Variants in HTR2B observed in about 807,000 individuals in gnomAD.
HTR2B encodes 5-hydroxytryptamine receptor 2B.
A neutral mutation model predicts 39.8 loss-of-function variants in HTR2B; 31 were observed. The observed-to-expected ratio is 0.78, with a 90% CI of 0.58 to 1.05. The LOEUF (loss-of-function observed/expected upper bound fraction) is 1.05. Among genes scored for constraint, HTR2B ranks in the 50% least tolerant of loss-of-function variants. The pLI, the probability that HTR2B is intolerant of heterozygous loss-of-function variation, is 0.00. For synonymous variants in HTR2B, 210 were observed against 207.1 expected (o/e 1.01, Z -0.12); for missense variants, 562 against 578.0 (o/e 0.97, Z 0.28).
chr2:231,115,838 T>C (rs1695313593), intron 2 of HTR2B, among the ~76,000 whole-genome samples: 2 of 152,170 alleles, frequency 1.3e-5, no homozygotes, highest in African/African-American at 4.8e-5. Flanking sequence ...TACTTAGATA[T>C]GCAGGCTCTT....
In HTR2B at chr2:231,108,407, A is replaced by G. The variant is rs1242027373; in HGVS notation, c.*110T>C. 1 of 774,130 alleles carries G rather than the reference A, an allele frequency of 1.3e-6. No homozygotes were observed. The highest frequency in any genetic ancestry group is 1.7e-5 in the African/African-American group (1 of 57,336). 48.0% of individuals were successfully genotyped at this position (774,130 alleles called of 1,614,324 possible). On this transcript the variant is annotated 3_prime_UTR_variant, in exon 4 of 4. Coordinates refer to ENST00000258400, the MANE Select transcript of HTR2B (RefSeq NM_000867.5). ...TTAATACTTACATCTTAGGTTAAAG[A>G]GATGATTTGATATATGACATAAAAT...
chr2:231,114,848 T>C (rs1045343818), intron 2 of HTR2B, among the ~76,000 whole-genome samples: 1 of 152,200 alleles, frequency 6.6e-6, no homozygotes, highest in African/African-American at 2.4e-5. Context: ...CACCCACCAC[T>C]TAACATGTTT....
chr2:231,116,096 A>G (rs145228651), intron 2 of HTR2B, among the ~76,000 whole-genome samples: 2 of 152,280 alleles, frequency 1.3e-5, no homozygotes, highest in African/African-American at 4.8e-5. Flanking sequence ...TGGTGTTTGG[A>G]GAAAATCTAA....
Position 231,123,582 on chromosome 2 carries a change from T to C in HTR2B, c.183A>G (p.Ile61Met). 1 of 1,613,960 alleles carries C rather than the reference T, an allele frequency of 6.2e-7. No individual in the cohort carries two copies. The highest frequency in any genetic ancestry group is 8.5e-7 in the Non-Finnish European group (1 of 1,179,962). ...CAATTGTGGGTATTATCACCATGAG[T>C]ATCAGAAGAGCTGCCCAGTGCAGTT... The part of the protein sequence containing the change: ...GNKLHWAALL[I>M]LMVIIPTIGG... The change falls in exon 2 of 4, where the codon ATA (isoleucine) becomes ATG (methionine). Residue 61 changes from isoleucine to methionine, a missense_variant. By Grantham distance (10) the Ile-to-Met change is conservative. Transcript: ENST00000258400.
chr2:231,117,119 A>C (rs1048934446), intron 2 of HTR2B, among the ~76,000 whole-genome samples: 2 of 152,182 alleles, frequency 1.3e-5, no homozygotes, highest in Admixed American at 1.3e-4. Context: ...AGTTAGTATT[A>C]ATTTAGCTCA....
chr2:231,109,080 T>TG lies in HTR2B; in HGVS notation c.882dup (p.Asn295GlnfsTer4). The TG allele has an allele frequency of 6.2e-7, 1 of 1,614,256 alleles. No individual in the cohort carries two copies. ...CGCATAAGTGTTTCATCACCTGAGTTGGGCAGAGCCTTGTCCTTTCGAGAA... is the reference window on the plus strand; with the variant it reads ...CGCATAAGTGTTTCATCACCTGAGTTGGGGCAGAGCCTTGTCCTTTCGAGAA... On this transcript the variant is annotated frameshift_variant, in exon 4 of 4. Coordinates refer to ENST00000258400, the MANE Select transcript of HTR2B (RefSeq NM_000867.5). LOFTEE classifies it high-confidence loss of function.
At chr2:231,118,968 T>A (rs570267274) in intron 2 of HTR2B, among the ~76,000 whole-genome samples, 1 of 150,956 alleles carries the variant, frequency 6.6e-6, no homozygotes, top group South Asian at 2.2e-4. Context: ...CTTCTGTCTT[T>A]ATCTTCCAGA....
chr2:231,110,991 C>A (rs1387874247), intron 3 of HTR2B, among the ~76,000 whole-genome samples: 1 of 152,164 alleles, frequency 6.6e-6, no homozygotes, highest in Non-Finnish European at 1.5e-5. Context: ...AAAACACTTG[C>A]CTTTTGAAGT....
intron 2 of HTR2B, among the ~76,000 whole-genome samples, chr2:231,121,719 G>A (rs1695549092): frequency 6.6e-6 from 1 of 152,084 alleles, no homozygotes; most frequent in Non-Finnish European, 1.5e-5. Context: ...GATAATTTAA[G>A]TATCTACCAT....
At chr2:231,118,132 C>A (rs544549630) in intron 2 of HTR2B, among the ~76,000 whole-genome samples, 1 of 152,034 alleles carries the variant, frequency 6.6e-6, no homozygotes, top group Non-Finnish European at 1.5e-5. Context: ...GATAATAGTA[C>A]CTGTTTTATA....
In HTR2B at chr2:231,123,941, C is replaced by CT; in HGVS notation, c.-178dup. The stretch of plus-strand genomic sequence containing the variant: ...CTCTAAAATGAGCGCATACACACAT[C>CT]TGTCCATGTTTGTAGGTAAGATATC... On this transcript the variant is annotated 5_prime_UTR_variant, in exon 2 of 4. The change abolishes the stop of an existing upstream ORF in the 5' untranslated region. Coordinates refer to ENST00000258400, the MANE Select transcript of HTR2B (RefSeq NM_000867.5). The CT allele has an allele frequency of 1.6e-6, 1 of 641,456 alleles. No homozygotes were observed. The highest frequency in any genetic ancestry group is 2.8e-6 in the Non-Finnish European group (1 of 355,994). 39.7% of individuals were successfully genotyped at this position (641,456 alleles called of 1,614,324 possible).
In HTR2B at chr2:231,109,183, T is replaced by C. The variant is rs572292403; in HGVS notation, c.780A>G (p.Thr260=). Residue 260 remains threonine (T), a synonymous_variant, in exon 4 of 4, where the codon ACA becomes ACG. Transcript: ENST00000258400. ...LVKNKPPQRL[T]WLTVSTVFQR... ...GGAAAACTGTAGACACAGTCAACCA[T>C]GTTAGGCGTTGAGGTGGCTTGTTTT... 4 of 1,614,220 alleles carry C rather than the reference T, an allele frequency of 2.5e-6. No individual in the cohort carries two copies. In the South Asian group the frequency reaches 3.3e-5, roughly 13 times the overall value.
At chr2:231,111,144 A>C (rs1335348408) in intron 3 of HTR2B, among the ~76,000 whole-genome samples, 3 of 152,086 alleles carry the variant, frequency 2.0e-5, no homozygotes, top group Non-Finnish European at 4.4e-5. Flanking sequence ...ACTTCATCCC[A>C]TTCGTGACCC....
chr2:231,123,525 T>C lies in HTR2B; in HGVS notation c.240A>G (p.Ser80=), dbSNP rs775648508. 159 of 1,614,058 alleles carry C rather than the reference T, an allele frequency of 9.9e-5. 3 individuals are homozygous for C. The South Asian group carries it at 1.5e-3, about 16-fold the overall frequency. ...GGNTLVILAV[S]LEKKLQYATN... is the part of the protein sequence containing the mutation. ...TAGCATACTGCAGCTTCTTCTCCAG[T>C]GAAACAGCCAGAATAACAAGGGTAT... The change falls in exon 2 of 4, where the codon TCA becomes TCG. Residue 80 remains serine (S), a synonymous_variant. Transcript: ENST00000258400.
rs187504334 is a variant in HTR2B at position 231,117,276 on chromosome 2, A to G, written c.353-3347T>C. The stretch of plus-strand genomic sequence containing the variant: ...TATTTGTTATAATGTATTCTGTCCA[A>G]TATACTTCCACAAAGACTTAAGACA... On this transcript the variant is annotated intron_variant, in intron 2 of 3. Coordinates refer to ENST00000258400, the MANE Select transcript of HTR2B (RefSeq NM_000867.5). Among the ~76,000 whole-genome samples, 68 of 152,168 alleles carry G rather than the reference A, an allele frequency of 4.5e-4. No homozygotes were observed. In the East Asian group the frequency reaches 9.9e-3, roughly 22 times the overall value.
rs1559241132 is a variant in HTR2B, at chr2:231,123,870, CA to C, written c.-107del. ...AGGCATTGTAACCATGCCAAACACT[CA>C]AAAGCCAAAGTTGACACCTTCCTTT... On this transcript the variant is annotated 5_prime_UTR_variant, in exon 2 of 4. The change abolishes the stop of an existing upstream ORF in the 5' untranslated region. Transcript: ENST00000258400. 1 of 901,718 alleles carries C rather than the reference CA, an allele frequency of 1.1e-6. No individual in the cohort carries two copies. The highest frequency in any genetic ancestry group is 1.3e-5 in the South Asian group (1 of 74,332). The allele number at this position is 901,718 out of a possible 1,614,324, so 55.9% of individuals were successfully genotyped here.
At position 231,123,475 on chromosome 2, in the gene HTR2B, G is replaced by T; in HGVS notation, c.290C>A (p.Ala97Glu). 6.2e-7 allele frequency: 1 copy of T among 1,613,990 alleles called. No homozygotes were observed. Among genetic ancestry groups the T allele is most frequent in the Non-Finnish European group, 8.5e-7 (1 of 1,179,914 alleles). The change falls in exon 2 of 4, where the codon GCG becomes GAG. Residue 97 changes from alanine to glutamate, a missense_variant. Physicochemically the swap from Ala to Glu is moderately radical, Grantham distance 107. Coordinates refer to ENST00000258400, the MANE Select transcript of HTR2B (RefSeq NM_000867.5). Reference sequence around the variant, plus strand: ...CAATCCAACCAGCAAATCAGCCACCGCCAAGGACATTAGAAAGTAATTAGT... The same window carrying T: ...CAATCCAACCAGCAAATCAGCCACCTCCAAGGACATTAGAAAGTAATTAGT... ...YATNYFLMSL[A>E]VADLLVGLFV...
chr2:231,117,040 T>A (rs1371660055), intron 2 of HTR2B, among the ~76,000 whole-genome samples: 1 of 152,034 alleles, frequency 6.6e-6, no homozygotes, highest in Non-Finnish European at 1.5e-5. Flanking sequence ...TTAAAAACAG[T>A]TCTAGACACA....
intron 2 of HTR2B, among the ~76,000 whole-genome samples, chr2:231,115,726 G>A (rs1269523114): frequency 6.6e-6 from 1 of 151,964 alleles, no homozygotes; most frequent in African/African-American, 2.4e-5. Context: ...AGGAGGGGAG[G>A]CATTTATTTA....
Sources: allele counts gnomAD v4.1 joint callset (sites outside exome capture counted in the v4.1 genomes callset), GRCh38; gene constraint gnomAD v4.1.1; transcripts MANE v1.5; gene names NCBI Gene and HGNC (gene_info 2026-07-23, HGNC 2026-07-21).